Variants in NPRL3 observed in about 807,000 individuals in gnomAD.
NPRL3 encodes the protein NPR3 like, GATOR1 complex subunit.
In NPRL3, 23 loss-of-function variants were observed where a neutral mutation model predicts 57.2. The ratio of observed to expected loss-of-function variants is 0.40; its 90% CI spans 0.29 to 0.57. The LOEUF (loss-of-function observed/expected upper bound fraction) is 0.57, where lower values mean the gene tolerates loss of function less well. Ranked by LOEUF, NPRL3 falls within the 20% of genes least tolerant of loss-of-function variation. The probability of loss-of-function intolerance (pLI) is 0.42; values close to 1 mark genes in which losing one functional copy is unlikely to be tolerated. For synonymous variants in NPRL3, 333 were observed against 321.1 expected, an observed-to-expected ratio of 1.04 and a Z score of -0.39; for missense variants, 691 against 767.1, an observed-to-expected ratio of 0.90 and a Z score of 1.17.
chr16:131,331 T>G (rs547516858), intron 2 of NPRL3, among the ~76,000 whole-genome samples: 2 of 151,374 alleles, frequency 1.3e-5, no homozygotes, highest in Admixed American at 6.6e-5. Context: ...TACAAAAAAT[T>G]AGCCGGGCGT....
intron 8 of NPRL3, among the ~76,000 whole-genome samples, chr16:99,959 C>CAAAA (rs11304941): frequency 1.6e-5 from 1 of 61,018 alleles, no homozygotes; most frequent in Non-Finnish European, 3.3e-5. Context: ...CACACCCCCG[C>CAAAA]AAAAAAAAAA....
chr16:93,377 G>C lies in NPRL3; in HGVS notation c.925-52C>G, dbSNP rs150812189. 1.8e-3 allele frequency: 2,248 copies of C among 1,245,276 alleles called. 7 individuals carry two copies. The highest frequency in any genetic ancestry group is 2.4e-3 in the Admixed American group (123 of 50,616). The allele number at this position is 1,245,276 out of a possible 1,614,324, so 77.1% of individuals were successfully genotyped here. On this transcript the variant is annotated intron_variant, in intron 9 of 13. Coordinates refer to ENST00000611875, the MANE Select transcript of NPRL3 (RefSeq NM_001077350.3). ...ACCATGCCTGAGGCTGGCCCACCGG[G>C]AGCTGTCAGCAGCTCTCAGCCTGGG... is the stretch of plus-strand genomic sequence containing the variant.
chr16:92,042 C>T (rs1257596396), intron 11 of NPRL3, among the ~76,000 whole-genome samples: 2 of 152,172 alleles, frequency 1.3e-5, no homozygotes, highest in Admixed American at 6.5e-5. Flanking sequence ...CCTGCCTGCC[C>T]GTTGCCCTGA....
chr16:135,682 T>C (rs1018907462), intron 2 of NPRL3, among the ~76,000 whole-genome samples: 2 of 149,582 alleles, frequency 1.3e-5, no homozygotes, highest in African/African-American at 4.9e-5. Flanking sequence ...TTGTTGTTAA[T>C]AATTTTGGAG....
Position 85,786 on chromosome 16 carries a change from C to T in NPRL3, c.*919G>A, listed in dbSNP as rs1371664217. On this transcript the variant is annotated 3_prime_UTR_variant, in exon 14 of 14. Transcript: ENST00000611875. ...AGGACACACAGGCCTGAGCAAAGGGCCTGCCCAGACAAGATTTTTTAATTG... is the reference window on the plus strand; with the variant it reads ...AGGACACACAGGCCTGAGCAAAGGGTCTGCCCAGACAAGATTTTTTAATTG... The T allele has an allele frequency of 1.4e-6, 2 of 1,474,894 alleles. No individual in the cohort carries two copies. Among genetic ancestry groups the T allele is most frequent in the African/African-American group, 2.8e-5 (2 of 70,752 alleles). 91.4% of individuals were successfully genotyped at this position (1,474,894 alleles called of 1,614,324 possible).
intron 2 of NPRL3, among the ~76,000 whole-genome samples, chr16:136,896 T>G (rs1901114606): frequency 6.6e-6 from 1 of 151,650 alleles, no homozygotes; most frequent in Admixed American, 6.6e-5. Context: ...AAAATAATTT[T>G]AAAACAAAAT....
At chr16:102,952 C>T (rs1297526561) in intron 7 of NPRL3, among the ~76,000 whole-genome samples, 1 of 152,028 alleles carries the variant, frequency 6.6e-6, no homozygotes. Context: ...ATGTCCCAGC[C>T]GCTAAGGAAT....
chr16:93,092 G>T (rs1436414779), intron 10 of NPRL3, 127 bp downstream of exon 10: 1 of 699,830 alleles, frequency 1.4e-6, no homozygotes, highest in Non-Finnish European at 2.5e-6. Flanking sequence ...GCTGAAGTGA[G>T]AGCCTGGCCT....
intron 9 of NPRL3, among the ~76,000 whole-genome samples, chr16:95,373 AC>A (rs1395014749): frequency 1.4e-5 from 2 of 147,808 alleles, no homozygotes; most frequent in African/African-American, 5.1e-5. Context: ...ACACACACAC[AC>A]ACACACACAC....
chr16:128,447 A>G lies in NPRL3; in HGVS notation c.188+2075T>C, dbSNP rs548663037. Reference sequence around the variant, plus strand: ...TCTGGTAAACTGAAGCTCTGGTTTCAGAAAGAAAAGCACTTTTGGGAACAA... The same window carrying G: ...TCTGGTAAACTGAAGCTCTGGTTTCGGAAAGAAAAGCACTTTTGGGAACAA... On this transcript the variant is annotated intron_variant, in intron 3 of 13. Coordinates refer to ENST00000611875, the MANE Select transcript of NPRL3 (RefSeq NM_001077350.3). 3.9e-5 allele frequency among the ~76,000 whole-genome samples: 6 copies of G among 152,316 alleles called. No homozygotes were observed. In the East Asian group the frequency reaches 1.2e-3, roughly 29 times the overall value.
At chr16:104,977 A>C (rs1192186106) in intron 7 of NPRL3, among the ~76,000 whole-genome samples, 1 of 152,212 alleles carries the variant, frequency 6.6e-6, no homozygotes, top group Non-Finnish European at 1.5e-5. Flanking sequence ...CCTTAGCACA[A>C]GCAGGGTTTG....
intron 7 of NPRL3, among the ~76,000 whole-genome samples, chr16:103,041 T>G (rs1463383490): frequency 6.6e-6 from 1 of 152,098 alleles, no homozygotes; most frequent in Non-Finnish European, 1.5e-5. Context: ...GATCTTGGCA[T>G]CCGTATGCGA....
chr16:122,758 CAA>C (rs2141966628), intron 3 of NPRL3, among the ~76,000 whole-genome samples: 1 of 151,970 alleles, frequency 6.6e-6, no homozygotes, highest in South Asian at 2.1e-4. Flanking sequence ...CTAGCTTGGA[CAA>C]AAAAAGGGAT....
At chr16:137,817 G>A (rs1243900332) in intron 2 of NPRL3, among the ~76,000 whole-genome samples, 1 of 151,704 alleles carries the variant, frequency 6.6e-6, no homozygotes, top group Admixed American at 6.6e-5. Context: ...CACCCGCCTC[G>A]GCCTCCCAAA....
intron 7 of NPRL3, among the ~76,000 whole-genome samples, chr16:107,411 G>A (rs1482851075): frequency 3.3e-5 from 5 of 152,006 alleles, no homozygotes; most frequent in Non-Finnish European, 7.4e-5. Context: ...TTGGGAGGCC[G>A]AGCCGGGCGG....
At chr16:110,059 T>C (rs1899725034) in intron 7 of NPRL3, among the ~76,000 whole-genome samples, 1 of 152,144 alleles carries the variant, frequency 6.6e-6, no homozygotes, top group Non-Finnish European at 1.5e-5. Context: ...GTGGATCACC[T>C]GAAGTCGGGA....
At chr16:87,573 G>A (rs2141896786) in intron 13 of NPRL3, among the ~76,000 whole-genome samples, 1 of 142,164 alleles carries the variant, frequency 7.0e-6, no homozygotes, top group South Asian at 2.2e-4. Flanking sequence ...TCGCTCTGCT[G>A]CCCAGGCTGG....
chr16:85,403 G>A lies in NPRL3; in HGVS notation c.*1302C>T, dbSNP rs1218261127. ...CTTCCAAACTGTCCGTCCCACAGGG[G>A]ACGGGGCTTGCGTCTTGCTGCGAGC... On this transcript the variant is annotated 3_prime_UTR_variant, in exon 14 of 14. Transcript: ENST00000611875. The A allele has an allele frequency of 1.9e-6, 3 of 1,602,984 alleles. No individual in the cohort carries two copies. The highest frequency in any genetic ancestry group is 3.4e-5 in the Admixed American group (2 of 59,418).
At chr16:115,306 T>A (rs1432041311) in intron 5 of NPRL3, among the ~76,000 whole-genome samples, 1 of 151,906 alleles carries the variant, frequency 6.6e-6, no homozygotes, top group Non-Finnish European at 1.5e-5. Context: ...AAAGAATATA[T>A]ATTTAAAATG....
Sources: gnomAD v4.1 joint callset for allele counts (sites outside exome capture counted in the v4.1 genomes callset) on GRCh38, gnomAD v4.1.1 for gene constraint, MANE v1.5 for transcripts, NCBI Gene and HGNC (gene_info 2026-07-23, HGNC 2026-07-21) for gene names.